LTBP2: variants seen among roughly 807,000 people sequenced by gnomAD.
The protein encoded by LTBP2 is latent-transforming growth factor beta-binding protein 2.
A neutral mutation model predicts 210.6 loss-of-function variants in LTBP2; 103 were observed. That is an observed-to-expected ratio of 0.49 (90% CI 0.42 to 0.58). The LOEUF is 0.58. LTBP2 is among the 20% of genes least tolerant of loss of function. The pLI, the probability that LTBP2 is intolerant of heterozygous loss-of-function variation, is 0.00. For missense variants in LTBP2, 2,313 were observed against 2,494.5 expected, an observed-to-expected ratio of 0.93 and a Z score of 1.55; for synonymous variants, 1,007 against 1,015.0, an observed-to-expected ratio of 0.99 and a Z score of 0.15.
At position 74,599,431 on chromosome 14, in the gene LTBP2, G is replaced by A. The variant is rs1204429389; in HGVS notation, c.565+4204C>T. ...TTCCCCAGTTGGGGTGGGGTTGGGC[G>A]GGAGCCAGTCTGGGAAGAATGGACA... On this transcript the variant is annotated intron_variant, in intron 2 of 35. Coordinates refer to ENST00000261978, the MANE Select transcript of LTBP2 (RefSeq NM_000428.3). Among the ~76,000 whole-genome samples the A allele has an allele frequency of 4.6e-5, 7 of 152,204 alleles. No homozygotes were observed. The East Asian group carries it at 1.2e-3, about 25-fold the overall frequency.
chr14:74,562,728 C>T (rs2087811088), intron 3 of LTBP2, among the ~76,000 whole-genome samples: 1 of 152,040 alleles, frequency 6.6e-6, no homozygotes, highest in African/African-American at 2.4e-5. Flanking sequence ...TTTTTTAATC[C>T]ATCAGATTAG....
At chr14:74,517,829 C>T (rs1227248408) in intron 17 of LTBP2, among the ~76,000 whole-genome samples, 1 of 152,234 alleles carries the variant, frequency 6.6e-6, no homozygotes, top group African/African-American at 2.4e-5. Flanking sequence ...CCCACTCACG[C>T]CCCTCCACTG....
chr14:74,571,964 A>AG (rs1483862524), intron 3 of LTBP2, among the ~76,000 whole-genome samples: 1 of 150,388 alleles, frequency 6.6e-6, no homozygotes, highest in Non-Finnish European at 1.5e-5. Flanking sequence ...AATAAGGAGA[A>AG]AAAAAAAAAC....
intron 24 of LTBP2, 47 bp downstream of exon 24, chr14:74,508,557 G>C (rs1296700742): frequency 1.3e-6 from 2 of 1,584,280 alleles, no homozygotes; most frequent in African/African-American, 2.7e-5. Context: ...AGCTGTGCTG[G>C]CTTCCCATGC....
intron 9 of LTBP2, 118 bp downstream of exon 9, chr14:74,535,808 G>T: frequency 1.1e-6 from 1 of 890,188 alleles, no homozygotes; most frequent in Non-Finnish European, 1.8e-6. Context: ...ACTCCCCAAA[G>T]CTGGGGCTTA....
chr14:74,514,162 T>A (rs192901654), intron 18 of LTBP2, among the ~76,000 whole-genome samples: 1 of 152,376 alleles, frequency 6.6e-6, no homozygotes, highest in Admixed American at 6.5e-5. Flanking sequence ...AACCAGTCAC[T>A]GGATGCAGAA....
In LTBP2 at chr14:74,549,999, C is replaced by T. The variant is rs201335616; in HGVS notation, c.1687-34G>A. ...AGAGGCCATGGACACCTGTGACCAC[C>T]CCCCTTCCCTCCCAGGCTGTGCACA... On this transcript the variant is annotated intron_variant, in intron 7 of 35. Coordinates refer to ENST00000261978, the MANE Select transcript of LTBP2 (RefSeq NM_000428.3). 1.1e-4 allele frequency: 154 copies of T among 1,344,666 alleles called. 1 individual carries two copies. In the East Asian group the frequency reaches 2.9e-3, roughly 25 times the overall value. 83.3% of individuals were successfully genotyped at this position (1,344,666 alleles called of 1,614,324 possible). A position where few individuals can be genotyped will look rare whatever the true frequency, so the allele number is the denominator to read the frequency against.
In LTBP2 at chr14:74,611,472, G is replaced by C. The variant is rs1165899851; in HGVS notation, c.473C>G (p.Pro158Arg). The C allele has an allele frequency of 1.3e-6, 2 of 1,493,632 alleles. No homozygotes were observed. Among genetic ancestry groups the C allele is most frequent in the Non-Finnish European group, 1.8e-6 (2 of 1,133,954 alleles). The allele number at this position is 1,493,632 out of a possible 1,614,324, so 92.5% of individuals were successfully genotyped here. Residue 158 changes from proline (P) to arginine (R), a missense_variant, in exon 1 of 36, where the codon CCG (proline) becomes CGG (arginine). Transcript: ENST00000261978. ...PQRSGAAPPT[P>R]PRGRLTGRNV... Reference sequence around the variant, plus strand: ...TCACCCCGTGAGCCGCCCTCGCGGCGGGGTTGGGGGCGCAGCCCCAGACCG... The same window carrying C: ...TCACCCCGTGAGCCGCCCTCGCGGCCGGGTTGGGGGCGCAGCCCCAGACCG...
At chr14:74,599,530 G>C (rs2088415998) in intron 2 of LTBP2, among the ~76,000 whole-genome samples, 1 of 152,256 alleles carries the variant, frequency 6.6e-6, no homozygotes, top group Admixed American at 6.5e-5. Flanking sequence ...CTGCTGGGCA[G>C]GGCCCGGCAG....
chr14:74,539,664 C>T (rs1243623845), intron 8 of LTBP2, among the ~76,000 whole-genome samples: 4 of 152,060 alleles, frequency 2.6e-5, no homozygotes, highest in Non-Finnish European at 5.9e-5. Context: ...TGTGACTGTG[C>T]TATTACACTC....
intron 15 of LTBP2, among the ~76,000 whole-genome samples, chr14:74,523,757 T>C (rs1470605564): frequency 6.6e-6 from 1 of 152,200 alleles, no homozygotes; most frequent in Non-Finnish European, 1.5e-5. Flanking sequence ...TGCATTTGTG[T>C]CCACCCTGAA....
In LTBP2 at chr14:74,607,981, C is replaced by T. The variant is rs796109916; in HGVS notation, c.494+3470G>A. ...CAGGCCGGACTGCGGACTGCAGTGG[C>T]GCAATCTCGGCTCACTGCAAGCTCC... On this transcript the variant is annotated intron_variant, in intron 1 of 35. Coordinates refer to ENST00000261978, the MANE Select transcript of LTBP2 (RefSeq NM_000428.3). 2.8e-3 allele frequency among the ~76,000 whole-genome samples: 413 copies of T among 149,622 alleles called. 1 individual carries two copies. The highest frequency in any genetic ancestry group is 9.5e-3 in the African/African-American group (384 of 40,534).
At chr14:74,584,618 T>C (rs2088178765) in intron 3 of LTBP2, among the ~76,000 whole-genome samples, 1 of 152,150 alleles carries the variant, frequency 6.6e-6, no homozygotes, top group African/African-American at 2.4e-5. Flanking sequence ...GCTCTGCTCC[T>C]TGTTTCTGCT....
chr14:74,532,885 G>T (rs2087369848), intron 9 of LTBP2, among the ~76,000 whole-genome samples: 1 of 152,160 alleles, frequency 6.6e-6, no homozygotes, highest in Non-Finnish European at 1.5e-5. Context: ...TGCCACCCAG[G>T]CTGGAGTGCA....
intron 1 of LTBP2, among the ~76,000 whole-genome samples, chr14:74,606,676 G>A (rs562626350): frequency 5.9e-5 from 9 of 152,130 alleles, no homozygotes; most frequent in East Asian, 1.9e-4. Context: ...GTGAAACCCC[G>A]TCTCTACTAA....
chr14:74,536,677 C>T (rs1385949675), intron 8 of LTBP2, among the ~76,000 whole-genome samples: 4 of 152,298 alleles, frequency 2.6e-5, no homozygotes, highest in South Asian at 2.1e-4. Flanking sequence ...GAAACCCCAT[C>T]TCTACTAAAA....
chr14:74,512,906 C>T (rs1398866790), intron 18 of LTBP2, among the ~76,000 whole-genome samples: 1 of 152,224 alleles, frequency 6.6e-6, no homozygotes, highest in Non-Finnish European at 1.5e-5. Flanking sequence ...AGACAGAGGC[C>T]AGTGCCATGA....
intron 2 of LTBP2, among the ~76,000 whole-genome samples, chr14:74,600,897 C>G (rs752431079): frequency 3.3e-5 from 5 of 152,192 alleles, no homozygotes; most frequent in African/African-American, 7.2e-5. Context: ...AGAATATCCG[C>G]CCCACCCCAG....
intron 3 of LTBP2, among the ~76,000 whole-genome samples, chr14:74,575,719 C>G (rs1203155049): frequency 6.6e-6 from 1 of 152,212 alleles, no homozygotes; most frequent in Non-Finnish European, 1.5e-5. Flanking sequence ...TTTCTAGAAC[C>G]TACCCTCTGC....
Sources: gnomAD v4.1 joint callset for allele counts (sites outside exome capture counted in the v4.1 genomes callset) on GRCh38, gnomAD v4.1.1 for gene constraint, MANE v1.5 for transcripts, NCBI Gene and HGNC (gene_info 2026-07-23, HGNC 2026-07-21) for gene names.